Variants in NRXN3 observed in about 807,000 individuals in gnomAD.
The protein encoded by NRXN3 is neurexin III.
Under a neutral mutation model 137.6 loss-of-function variants are expected in NRXN3, and 32 were observed. That is an observed-to-expected ratio of 0.23 (90% CI 0.18 to 0.31). The LOEUF is 0.31. NRXN3 is among the 10% of genes least tolerant of loss of function. The pLI is 1.00. For synonymous variants in NRXN3, 798 were observed against 784.5 expected (o/e 1.02, Z -0.29); for missense variants, 1,574 against 2,062.5 (o/e 0.76, Z 4.59).
At chr14:79,392,295 T>C (rs2094873537) in intron 15 of NRXN3, among the ~76,000 whole-genome samples, 1 of 152,226 alleles carries the variant, frequency 6.6e-6, no homozygotes, top group Non-Finnish European at 1.5e-5. Flanking sequence ...ATTTCCAGCT[T>C]CATCCATGTC....
chr14:79,622,337 G>T (rs1603225100), intron 16 of NRXN3, among the ~76,000 whole-genome samples: 2 of 152,122 alleles, frequency 1.3e-5, no homozygotes, highest in African/African-American at 4.8e-5. Flanking sequence ...GAATCTTTTA[G>T]AACTGTTAGT....
intron 4 of NRXN3, among the ~76,000 whole-genome samples, chr14:78,461,955 A>T (rs1411268466): frequency 6.6e-6 from 1 of 152,212 alleles, no homozygotes; most frequent in Non-Finnish European, 1.5e-5. Flanking sequence ...TGCTTTGGGG[A>T]TAAAGGGAAC....
At chr14:78,791,991 G>A (rs1281696122) in intron 8 of NRXN3, among the ~76,000 whole-genome samples, 3 of 151,884 alleles carry the variant, frequency 2.0e-5, no homozygotes, top group African/African-American at 4.8e-5. Flanking sequence ...ATGCCTGAGT[G>A]TAAGCAAGGT....
intron 4 of NRXN3, among the ~76,000 whole-genome samples, chr14:78,550,850 T>A (rs890098095): frequency 2.0e-5 from 3 of 152,184 alleles, no homozygotes; most frequent in Admixed American, 2.0e-4. Flanking sequence ...TATACTGCCA[T>A]GCTGTTATAA....
At chr14:78,949,512 C>T (rs1298723648) in intron 10 of NRXN3, among the ~76,000 whole-genome samples, 1 of 151,890 alleles carries the variant, frequency 6.6e-6, no homozygotes, top group Non-Finnish European at 1.5e-5. Context: ...ACATTGAACA[C>T]CCTCTTGGTG....
At chr14:78,401,973 A>C (rs2092110955) in intron 4 of NRXN3, among the ~76,000 whole-genome samples, 1 of 152,262 alleles carries the variant, frequency 6.6e-6, no homozygotes, top group Non-Finnish European at 1.5e-5. Context: ...AGCTTTAAAA[A>C]GGGAATTATT....
chr14:79,140,718 T>C (rs184329248), intron 15 of NRXN3, among the ~76,000 whole-genome samples: 85 of 152,202 alleles, frequency 5.6e-4, no homozygotes, highest in African/African-American at 1.7e-3. Context: ...ATGGAAAACA[T>C]ATAGGAATAC....
intron 4 of NRXN3, among the ~76,000 whole-genome samples, chr14:78,541,169 G>T (rs1390595145): frequency 6.6e-6 from 1 of 152,142 alleles, no homozygotes; most frequent in South Asian, 2.1e-4. Context: ...GGCCTGCCTT[G>T]CTAGGTTGGG....
At chr14:78,316,992 A>T (rs1191099521) in intron 4 of NRXN3, among the ~76,000 whole-genome samples, 1 of 152,174 alleles carries the variant, frequency 6.6e-6, no homozygotes, top group Non-Finnish European at 1.5e-5. Context: ...ATATATGCAC[A>T]TGATGATTGT....
At chr14:78,180,329 C>T (rs1215191671) in intron 1 of NRXN3, among the ~76,000 whole-genome samples, 1 of 152,060 alleles carries the variant, frequency 6.6e-6, no homozygotes, top group Non-Finnish European at 1.5e-5. Context: ...GAGTCCCAAG[C>T]CCCTTTAAAG....
chr14:78,723,219 G>C (rs2098468013), intron 8 of NRXN3, among the ~76,000 whole-genome samples: 1 of 152,158 alleles, frequency 6.6e-6, no homozygotes, highest in African/African-American at 2.4e-5. Flanking sequence ...CAGAAGACAG[G>C]AGACCAACAG....
At chr14:78,965,758 A>G (rs1303872952) in intron 11 of NRXN3, among the ~76,000 whole-genome samples, 3 of 152,120 alleles carry the variant, frequency 2.0e-5, no homozygotes, top group Admixed American at 6.5e-5. Flanking sequence ...CAATAGTTTT[A>G]TCCTTTAGCC....
intron 15 of NRXN3, among the ~76,000 whole-genome samples, chr14:79,463,865 G>T (rs747685381): frequency 1.3e-5 from 2 of 152,136 alleles, no homozygotes; most frequent in Non-Finnish European, 2.9e-5. Flanking sequence ...GATGAATTAA[G>T]AGGAGGTTCT....
At position 78,595,988 on chromosome 14, in the gene NRXN3, G is replaced by A. The variant is rs937813314; in HGVS notation, c.758-49132G>A. 2.0e-4 allele frequency among the ~76,000 whole-genome samples: 31 copies of A among 152,306 alleles called. 1 individual carries two copies. The highest frequency in any genetic ancestry group is 7.5e-4 in the African/African-American group (31 of 41,568). ...TTGTCACACTGGGGATGGGTGGGGA[G>A]CGCTACTGACATCTAGTGGGTAGAG... On this transcript the variant is annotated intron_variant, in intron 4 of 20. Transcript: ENST00000335750.
chr14:79,843,395 G>A lies in NRXN3; in HGVS notation c.4094-17947G>A, dbSNP rs1027921166. Among the ~76,000 whole-genome samples the A allele has an allele frequency of 3.3e-5, 5 of 152,300 alleles. 1 individual carries two copies. Among genetic ancestry groups the A allele is most frequent in the African/African-American group, 4.8e-5 (2 of 41,566 alleles). ...CAGCGAATGTTTTTGCTGGTAGAGG[G>A]TCCCGTCTTGATGTTGATGGCTGCT... On this transcript the variant is annotated intron_variant, in intron 20 of 20. Coordinates refer to ENST00000335750, the MANE Select transcript of NRXN3 (RefSeq NM_001330195.2).
chr14:79,794,523 G>T (rs1248093024), intron 19 of NRXN3, among the ~76,000 whole-genome samples: 1 of 152,166 alleles, frequency 6.6e-6, no homozygotes, highest in African/African-American at 2.4e-5. Context: ...GAATGCCATT[G>T]CCTTCTCTCT....
intron 16 of NRXN3, among the ~76,000 whole-genome samples, chr14:79,640,094 A>C (rs2153956906): frequency 7.4e-6 from 1 of 135,786 alleles, no homozygotes; most frequent in African/African-American, 2.4e-5. Context: ...AAATGAAATA[A>C]GGAAATGAAG....
intron 1 of NRXN3, among the ~76,000 whole-genome samples, chr14:78,198,152 G>T (rs189089110): frequency 1.6e-4 from 24 of 152,310 alleles, no homozygotes; most frequent in Admixed American, 7.8e-4. Flanking sequence ...GTTTCTATCT[G>T]GCACATGAGT....
intron 10 of NRXN3, among the ~76,000 whole-genome samples, chr14:78,834,418 G>A (rs570193326): frequency 1.3e-5 from 2 of 152,212 alleles, no homozygotes; most frequent in East Asian, 3.9e-4. Flanking sequence ...AGTATTAAGA[G>A]ATTGGAAAGA....
Sources: allele counts gnomAD v4.1 joint callset (sites outside exome capture counted in the v4.1 genomes callset), GRCh38; gene constraint gnomAD v4.1.1; transcripts MANE v1.5; gene names NCBI Gene and HGNC (gene_info 2026-07-23, HGNC 2026-07-21).